Variants in ATF6 observed in about 807,000 individuals in gnomAD.
ATF6 encodes activating transcription factor 6.
In ATF6, 53 loss-of-function variants were observed where a neutral mutation model predicts 83.6. The ratio of observed to expected loss-of-function variants is 0.63; its 90% confidence interval spans 0.51 to 0.80. ATF6 has a LOEUF of 0.80. Among genes scored for constraint, ATF6 ranks in the 30% least tolerant of loss-of-function variants. ATF6 has a pLI of 0.00. For missense variants in ATF6, 744 were observed against 797.9 expected, an observed-to-expected ratio of 0.93 and a Z score of 0.81; for synonymous variants, 288 against 285.8, an observed-to-expected ratio of 1.01 and a Z score of -0.08.
At chr1:161,851,270 ACACACC>A (rs1428422587) in intron 10 of ATF6, among the ~76,000 whole-genome samples, 2 of 119,142 alleles carry the variant, frequency 1.7e-5, no homozygotes, top group Non-Finnish European at 3.8e-5. Flanking sequence ...ACACACACAC[ACACACC>A]CCTACCTGTT....
chr1:161,790,618 C>T (rs1233640453), intron 4 of ATF6, among the ~76,000 whole-genome samples: 2 of 152,086 alleles, frequency 1.3e-5, no homozygotes, highest in East Asian at 1.9e-4. Context: ...TAGAGCAGCC[C>T]AGCCAACATG....
intron 14 of ATF6, among the ~76,000 whole-genome samples, chr1:161,877,121 A>G (rs1352314598): frequency 1.3e-5 from 2 of 152,046 alleles, no homozygotes; most frequent in African/African-American, 4.8e-5. Context: ...CTACTACTAG[A>G]TCATAGAAGG....
intron 8 of ATF6, 47 bp downstream of exon 8, chr1:161,819,865 C>T: frequency 6.9e-7 from 1 of 1,455,154 alleles, no homozygotes; most frequent in South Asian, 1.4e-5. Flanking sequence ...AAAGTATCCT[C>T]TGGATTAATA....
chr1:161,833,153 G>A (rs936202674), intron 9 of ATF6, among the ~76,000 whole-genome samples: 1 of 152,230 alleles, frequency 6.6e-6, no homozygotes, highest in African/African-American at 2.4e-5. Flanking sequence ...AGGGTCTGGA[G>A]TGGACCTCCA....
chr1:161,806,302 A>G (rs987065285), intron 7 of ATF6, among the ~76,000 whole-genome samples: 1 of 152,240 alleles, frequency 6.6e-6, no homozygotes, highest in African/African-American at 2.4e-5. Context: ...CAGTCTGTTT[A>G]AATCTGCATT....
At chr1:161,841,176 A>G (rs977354177) in intron 9 of ATF6, among the ~76,000 whole-genome samples, 1 of 152,226 alleles carries the variant, frequency 6.6e-6, no homozygotes, top group African/African-American at 2.4e-5. Context: ...TGACCATTAC[A>G]AGATCTGTCA....
chr1:161,804,215 T>G (rs1443114680), intron 7 of ATF6, among the ~76,000 whole-genome samples: 2 of 152,096 alleles, frequency 1.3e-5, no homozygotes, highest in African/African-American at 4.8e-5. Flanking sequence ...ATAGAAAATA[T>G]CCAAAGTTGC....
chr1:161,898,104 A>C (rs1687712455), intron 14 of ATF6, among the ~76,000 whole-genome samples: 1 of 152,184 alleles, frequency 6.6e-6, no homozygotes. Context: ...CATAATGTAC[A>C]ATTCAGTAAA....
At chr1:161,860,409 GAT>G (rs750595099) in intron 13 of ATF6, 132 bp downstream of exon 13, 521 of 258,130 alleles carry the variant, frequency 2.0e-3, no homozygotes, top group Non-Finnish European at 2.7e-3. Context: ...TATACTCTAA[GAT>G]ATATATATAT....
At chr1:161,903,182 G>T (rs1156833881) in intron 14 of ATF6, among the ~76,000 whole-genome samples, 4 of 152,078 alleles carry the variant, frequency 2.6e-5, no homozygotes, top group Non-Finnish European at 5.9e-5. Flanking sequence ...CTTTACAAAA[G>T]GTACAGGGAT....
intron 9 of ATF6, among the ~76,000 whole-genome samples, chr1:161,830,605 G>C (rs1686030570): frequency 6.6e-6 from 1 of 152,174 alleles, no homozygotes; most frequent in African/African-American, 2.4e-5. Flanking sequence ...CAGAGATATA[G>C]ACCAATGGAA....
At chr1:161,851,929 C>A in intron 11 of ATF6, 94 bp downstream of exon 11, 1 of 836,284 alleles carries the variant, frequency 1.2e-6, no homozygotes. Context: ...CACTAAGTGA[C>A]TGAGAGAATC....
At chr1:161,902,204 G>A (rs1433357275) in intron 14 of ATF6, among the ~76,000 whole-genome samples, 1 of 152,162 alleles carries the variant, frequency 6.6e-6, no homozygotes, top group Non-Finnish European at 1.5e-5. Flanking sequence ...TCAAGTAAAA[G>A]TGGTATTGAA....
chr1:161,784,649 T>C (rs1003447486), intron 4 of ATF6, among the ~76,000 whole-genome samples: 1 of 152,098 alleles, frequency 6.6e-6, no homozygotes, highest in African/African-American at 2.4e-5. Flanking sequence ...CTTTTTAGAA[T>C]GGGGAAAGGG....
chr1:161,911,961 G>C (rs1688000511), intron 14 of ATF6, among the ~76,000 whole-genome samples: 1 of 152,176 alleles, frequency 6.6e-6, no homozygotes. Flanking sequence ...AGATTATACA[G>C]CTATTTAGTG....
Position 161,960,001 on chromosome 1 carries a change from G to A in ATF6, c.*1347G>A, listed in dbSNP as rs1010519486. ...ATTAGTGAACGTGGATTCCTGCTGA[G>A]GGAGTGCATCCCATAATATGGCAAT... On this transcript the variant is annotated 3_prime_UTR_variant, in exon 16 of 16. Transcript: ENST00000367942. 2.0e-5 allele frequency: 3 copies of A among 151,946 alleles called. No individual in the cohort carries two copies. Among genetic ancestry groups the A allele is most frequent in the Non-Finnish European group, 4.4e-5 (3 of 68,030 alleles). 9.4% of individuals were successfully genotyped at this position (151,946 alleles called of 1,614,324 possible).
At chr1:161,835,018 TATG>T (rs529486219) in intron 9 of ATF6, among the ~76,000 whole-genome samples, 270 of 152,320 alleles carry the variant, frequency 1.8e-3, no homozygotes, top group African/African-American at 6.2e-3. Flanking sequence ...GTATCACTTC[TATG>T]ATGTTCTTGT....
chr1:161,816,792 A>C (rs911391862), intron 7 of ATF6, among the ~76,000 whole-genome samples: 2 of 152,178 alleles, frequency 1.3e-5, no homozygotes, highest in African/African-American at 4.8e-5. Context: ...ATATAGGAAA[A>C]TACCCACTTC....
rs528266486 is a variant in ATF6 at position 161,905,192 on chromosome 1, G to A, written c.1720-7104G>A. Among the ~76,000 whole-genome samples, 21 of 152,040 alleles carry A rather than the reference G, an allele frequency of 1.4e-4. No individual in the cohort carries two copies. In the South Asian group the frequency reaches 4.4e-3, roughly 32 times the overall value. On this transcript the variant is annotated intron_variant, in intron 14 of 15. Coordinates refer to ENST00000367942, the MANE Select transcript of ATF6 (RefSeq NM_007348.4). ...GTAGAATCATTGATATGAAAGAGTT[G>A]GCTAGTATATCTCCCTGTGTTCCCT...
Sources: allele counts gnomAD v4.1 joint callset (sites outside exome capture counted in the v4.1 genomes callset), GRCh38; gene constraint gnomAD v4.1.1; transcripts MANE v1.5; gene names NCBI Gene and HGNC (gene_info 2026-07-23, HGNC 2026-07-21).